The following GRM8 variants were observed in gnomAD, a reference collection of about 807,000 sequenced individuals.
GRM8 encodes metabotropic glutamate receptor 8.
In GRM8, 47 loss-of-function variants were observed where a neutral mutation model predicts 87.2. The ratio of observed to expected loss-of-function variants is 0.54; its 90% CI spans 0.43 to 0.69. The LOEUF is 0.69. Ranked by LOEUF, GRM8 falls within the 30% of genes least tolerant of loss-of-function variation. The probability of loss-of-function intolerance (pLI) is 0.00; values close to 1 mark genes in which losing one functional copy is unlikely to be tolerated. For missense variants in GRM8, 1,019 were observed against 1,139.2 expected (o/e 0.89, Z 1.52); for synonymous variants, 396 against 404.5 (o/e 0.98, Z 0.25).
Position 126,770,019 on chromosome 7 carries a change from C to T in GRM8, c.1203G>A (p.Lys401=). The T allele has an allele frequency of 6.2e-7, 1 of 1,612,826 alleles. No homozygotes were observed. The part of the protein sequence containing the change: ...ARDSSYEQEG[K]VQFVIDAVYS... ...ATACAGCATCAATTACAAATTGGAC[C>T]TTTCCTTCCTGTTCATAAGATGAAT... Residue 401 remains lysine (K), a synonymous_variant, in exon 7 of 11, where the codon AAG becomes AAA. Transcript: ENST00000339582.
intron 3 of GRM8, among the ~76,000 whole-genome samples, chr7:126,914,260 G>T (rs560339884): frequency 5.3e-5 from 8 of 152,146 alleles, no homozygotes; most frequent in Non-Finnish European, 1.2e-4. Flanking sequence ...ATTATTAAAA[G>T]TCAAAAAATA....
At chr7:126,478,702 T>C (rs1584758338) in intron 9 of GRM8, among the ~76,000 whole-genome samples, 1 of 152,198 alleles carries the variant, frequency 6.6e-6, no homozygotes, top group East Asian at 1.9e-4. Context: ...AAATTCATGC[T>C]GGTAATCACT....
At chr7:126,992,585 A>G (rs1333721234) in intron 3 of GRM8, among the ~76,000 whole-genome samples, 1 of 152,200 alleles carries the variant, frequency 6.6e-6, no homozygotes, top group Non-Finnish European at 1.5e-5. Flanking sequence ...ACAAATTATT[A>G]CCAAGAAAAA....
At chr7:126,553,364 CAT>C (rs1792794095) in intron 8 of GRM8, among the ~76,000 whole-genome samples, 1 of 152,120 alleles carries the variant, frequency 6.6e-6, no homozygotes. Context: ...TTTCATGTGA[CAT>C]ATTCTGTTGG....
rs1479217933 is a variant in GRM8 at position 126,685,548 on chromosome 7, C to G, written c.1358-76050G>C. Among the ~76,000 whole-genome samples, 2 of 152,130 alleles carry G rather than the reference C, an allele frequency of 1.3e-5. No homozygotes were observed. Among genetic ancestry groups the G allele is most frequent in the Non-Finnish European group, 2.9e-5 (2 of 68,006 alleles). On this transcript the variant is annotated intron_variant, in intron 7 of 10. Coordinates refer to ENST00000339582, the MANE Select transcript of GRM8 (RefSeq NM_000845.3). This position sits in a 1 kb window ranked among gnomAD's most constrained non-coding sequence, Gnocchi z 4.2. ...CTGCTTCCACTGCCTGGCTTCTCCC[C>G]ACTGTCAGTGTATGCTCTGATCTTG...
At chr7:127,100,894 T>A (rs1467358658) in intron 3 of GRM8, among the ~76,000 whole-genome samples, 1 of 152,188 alleles carries the variant, frequency 6.6e-6, no homozygotes, top group Non-Finnish European at 1.5e-5. Flanking sequence ...CCTATACTTC[T>A]CACCTTAGCA....
chr7:126,812,597 C>T (rs1020693045), intron 6 of GRM8, among the ~76,000 whole-genome samples: 6 of 151,876 alleles, frequency 4.0e-5, no homozygotes, highest in African/African-American at 1.4e-4. Flanking sequence ...AGATTATATG[C>T]AAATATTACA....
intron 9 of GRM8, among the ~76,000 whole-genome samples, chr7:126,469,698 G>T (rs1804928622): frequency 6.6e-6 from 1 of 152,112 alleles, no homozygotes; most frequent in African/African-American, 2.4e-5. Context: ...AGTTTCCCGA[G>T]GCCCTCCCAG....
chr7:126,463,703 A>C (rs2150527818), intron 9 of GRM8, among the ~76,000 whole-genome samples: 1 of 151,738 alleles, frequency 6.6e-6, no homozygotes, highest in East Asian at 2.0e-4. Context: ...GCATTTCCAA[A>C]AGGAAGTTGG....
At chr7:126,976,250 T>C (rs1810972405) in intron 3 of GRM8, among the ~76,000 whole-genome samples, 1 of 152,228 alleles carries the variant, frequency 6.6e-6, no homozygotes, top group Admixed American at 6.5e-5. Flanking sequence ...TAATACTCTT[T>C]TTAAAACTAC....
At chr7:126,846,141 A>T (rs1796694100) in intron 6 of GRM8, among the ~76,000 whole-genome samples, 1 of 152,160 alleles carries the variant, frequency 6.6e-6, no homozygotes, top group Admixed American at 6.6e-5. Flanking sequence ...ATAGATACTA[A>T]ATGTGGAGCC....
chr7:126,908,814 C>T (rs1196952269), intron 3 of GRM8, among the ~76,000 whole-genome samples: 3 of 152,204 alleles, frequency 2.0e-5, no homozygotes, highest in Admixed American at 2.0e-4. Context: ...GAAAGAGGCA[C>T]TGGACTATTA....
intron 3 of GRM8, among the ~76,000 whole-genome samples, chr7:127,001,426 C>T (rs1813718931): frequency 6.6e-6 from 1 of 151,432 alleles, no homozygotes; most frequent in Non-Finnish European, 1.5e-5. Flanking sequence ...ATCTTAGCAA[C>T]AAGAGGACAA....
intron 8 of GRM8, among the ~76,000 whole-genome samples, chr7:126,587,281 G>A (rs1328832270): frequency 6.6e-6 from 1 of 152,192 alleles, no homozygotes; most frequent in African/African-American, 2.4e-5. Context: ...ATTCCTCAAG[G>A]ATCTAGAACT....
chr7:126,468,428 C>A (rs1434388909), intron 9 of GRM8, among the ~76,000 whole-genome samples: 1 of 152,002 alleles, frequency 6.6e-6, no homozygotes, highest in East Asian at 1.9e-4. Context: ...AATAATTGCA[C>A]ACTTGCCAAT....
intron 7 of GRM8, among the ~76,000 whole-genome samples, chr7:126,679,535 A>G (rs1807323540): frequency 1.3e-5 from 2 of 152,248 alleles, no homozygotes; most frequent in Non-Finnish European, 2.9e-5. Flanking sequence ...TGGAGCATCA[A>G]CCATATGCCA....
At chr7:126,840,684 T>C (rs573370244) in intron 6 of GRM8, among the ~76,000 whole-genome samples, 1 of 152,292 alleles carries the variant, frequency 6.6e-6, no homozygotes, top group African/African-American at 2.4e-5. Context: ...TGAATATATT[T>C]ACACCAAGAA....
intron 3 of GRM8, among the ~76,000 whole-genome samples, chr7:127,052,097 TG>T (rs765741004): frequency 3.9e-4 from 59 of 152,312 alleles, no homozygotes; most frequent in Non-Finnish European, 4.9e-4. Flanking sequence ...TGAAAATTTT[TG>T]ATAAGAAAAA....
At chr7:126,587,716 C>T (rs1796284511) in intron 8 of GRM8, among the ~76,000 whole-genome samples, 2 of 151,430 alleles carry the variant, frequency 1.3e-5, no homozygotes, top group Non-Finnish European at 2.9e-5. Flanking sequence ...GGAGATATAC[C>T]TAATGTAAAT....
Sources: gnomAD v4.1 joint callset for allele counts (sites outside exome capture counted in the v4.1 genomes callset) on GRCh38, gnomAD v4.1.1 for gene constraint, Gnocchi (gnomAD v3.1) non-coding constraint, MANE v1.5 for transcripts, NCBI Gene and HGNC (gene_info 2026-07-23, HGNC 2026-07-21) for gene names.